Variants in CAMK2D observed in about 807,000 individuals in gnomAD.
CAMK2D encodes calcium/calmodulin dependent protein kinase II delta, also known as calcium/calmodulin-dependent protein kinase type II subunit delta.
A neutral mutation model predicts 84.0 loss-of-function variants in CAMK2D; 37 were observed. The observed-to-expected ratio is 0.44, with a 90% CI of 0.34 to 0.58. The LOEUF is 0.58. Among genes scored for constraint, CAMK2D ranks in the 20% least tolerant of loss-of-function variants. The probability of loss-of-function intolerance (pLI) is 0.02; values close to 1 mark genes in which losing one functional copy is unlikely to be tolerated. For synonymous variants in CAMK2D, 202 were observed against 212.5 expected, an observed-to-expected ratio of 0.95 and a Z score of 0.43; for missense variants, 448 against 652.5, an observed-to-expected ratio of 0.69 and a Z score of 3.41.
At chr4:113,462,318 G>GTCTA (rs1175189521) in intron 17 of CAMK2D, among the ~76,000 whole-genome samples, 22 of 112,504 alleles carry the variant, frequency 2.0e-4, no homozygotes, top group East Asian at 6.6e-4. Flanking sequence ...CTGTCTGTCT[G>GTCTA]TCTGTCTGTC....
intron 2 of CAMK2D, among the ~76,000 whole-genome samples, chr4:113,685,373 G>A (rs1239189203): frequency 6.6e-6 from 1 of 151,806 alleles, no homozygotes; most frequent in African/African-American, 2.4e-5. Context: ...CCAAGTAGCT[G>A]GAACTATAGG....
chr4:113,592,199 G>A (rs2098891870), intron 4 of CAMK2D, among the ~76,000 whole-genome samples: 1 of 152,122 alleles, frequency 6.6e-6, no homozygotes, highest in Admixed American at 6.6e-5. Flanking sequence ...AGTAAGCAGG[G>A]ATTAAGTGGG....
chr4:113,734,498 A>G (rs532287776), intron 2 of CAMK2D, among the ~76,000 whole-genome samples: 20 of 152,238 alleles, frequency 1.3e-4, no homozygotes, highest in African/African-American at 4.3e-4. Context: ...TATCCACTTC[A>G]AAAATAATTT....
chr4:113,565,650 CAAA>C (rs1299833681), intron 4 of CAMK2D, among the ~76,000 whole-genome samples: 11 of 80,586 alleles, frequency 1.4e-4, no homozygotes, highest in Non-Finnish European at 2.0e-4. Context: ...GACTCTGTCT[CAAA>C]AAAAAAAAAA....
intron 3 of CAMK2D, among the ~76,000 whole-genome samples, chr4:113,627,269 T>A (rs1436266121): frequency 6.6e-6 from 1 of 152,194 alleles, no homozygotes; most frequent in East Asian, 1.9e-4. Context: ...TCAATTTATA[T>A]CATTTTTCCA....
At chr4:113,627,913 T>C (rs2099074324) in intron 3 of CAMK2D, among the ~76,000 whole-genome samples, 1 of 152,168 alleles carries the variant, frequency 6.6e-6, no homozygotes, top group Admixed American at 6.5e-5. Context: ...GGATTACAAA[T>C]AAATTTTCCA....
intron 4 of CAMK2D, among the ~76,000 whole-genome samples, chr4:113,599,497 C>A (rs915687655): frequency 3.3e-5 from 5 of 151,844 alleles, no homozygotes; most frequent in Non-Finnish European, 1.5e-5. Context: ...TATTATTCAA[C>A]GACAAAAGGA....
At chr4:113,475,310 A>G (rs1254534806) in intron 16 of CAMK2D, among the ~76,000 whole-genome samples, 4 of 145,872 alleles carry the variant, frequency 2.7e-5, no homozygotes, top group African/African-American at 5.3e-5. Context: ...AATAAGCATC[A>G]TATCCCTTTG....
chr4:113,494,340 G>A (rs896895062), intron 16 of CAMK2D, among the ~76,000 whole-genome samples: 1 of 152,226 alleles, frequency 6.6e-6, no homozygotes, highest in African/African-American at 2.4e-5. Flanking sequence ...CTTTCTGTTT[G>A]TTAGTTTTCC....
chr4:113,588,432 A>C (rs2098843809), intron 4 of CAMK2D, among the ~76,000 whole-genome samples: 2 of 152,200 alleles, frequency 1.3e-5, no homozygotes, highest in Admixed American at 1.3e-4. Flanking sequence ...TTTAGACCAT[A>C]CAGGCATAAC....
intron 3 of CAMK2D, among the ~76,000 whole-genome samples, chr4:113,613,902 G>C (rs1391544931): frequency 6.6e-6 from 1 of 152,054 alleles, no homozygotes. Context: ...GCGAGCGAGA[G>C]AGAGAGAGAG....
At chr4:113,561,306 T>C (rs780263638) in intron 4 of CAMK2D, among the ~76,000 whole-genome samples, 1 of 152,082 alleles carries the variant, frequency 6.6e-6, no homozygotes, top group Non-Finnish European at 1.5e-5. Flanking sequence ...AGACCCCGTA[T>C]CTATAAAAAA....
intron 13 of CAMK2D, among the ~76,000 whole-genome samples, chr4:113,505,542 C>T (rs1024657595): frequency 1.1e-4 from 17 of 152,202 alleles, no homozygotes; most frequent in South Asian, 4.2e-4. Context: ...TCTGAGAAAA[C>T]GCTGGTGTCA....
At chr4:113,744,357 T>C (rs2099599710) in intron 2 of CAMK2D, among the ~76,000 whole-genome samples, 1 of 152,150 alleles carries the variant, frequency 6.6e-6, no homozygotes, top group Non-Finnish European at 1.5e-5. Flanking sequence ...ATATGGGAAA[T>C]CAAGGCCTTT....
intron 17 of CAMK2D, among the ~76,000 whole-genome samples, chr4:113,461,960 A>G (rs1188992194): frequency 6.6e-6 from 1 of 152,210 alleles, no homozygotes; most frequent in Non-Finnish European, 1.5e-5. Context: ...TGCCTTAAAG[A>G]TGATGGGGGC....
intron 3 of CAMK2D, among the ~76,000 whole-genome samples, chr4:113,625,622 T>C (rs975233588): frequency 6.6e-6 from 1 of 151,556 alleles, no homozygotes; most frequent in African/African-American, 2.4e-5. Flanking sequence ...TGTAGAAGAG[T>C]GAACAGGGGA....
chr4:113,567,388 G>A (rs982372644), intron 4 of CAMK2D, among the ~76,000 whole-genome samples: 1 of 151,792 alleles, frequency 6.6e-6, no homozygotes, highest in East Asian at 1.9e-4. Context: ...GGCTGCTCTC[G>A]ATCTCCTGAC....
intron 9 of CAMK2D, 99 bp downstream of exon 9, chr4:113,517,444 GAAATAATATGAGAAAGTGGT>G (rs1590577190): frequency 2.0e-6 from 1 of 494,944 alleles, no homozygotes; most frequent in East Asian, 2.8e-5. Context: ...AAGAGAGAGG[GAAATAATATGAGAAAGTGGT>G]AAAAATTATG....
At chr4:113,720,078 T>C (rs11729260) in intron 2 of CAMK2D, among the ~76,000 whole-genome samples, 26,544 of 152,066 alleles carry the variant, frequency 0.17, 4,252 homozygotes, top group African/African-American at 0.42. Flanking sequence ...AAGGCAAAGC[T>C]ACATTACTCA....
Sources: allele counts gnomAD v4.1 joint callset (sites outside exome capture counted in the v4.1 genomes callset), GRCh38; gene constraint gnomAD v4.1.1; transcripts MANE v1.5; gene names NCBI Gene and HGNC (gene_info 2026-07-23, HGNC 2026-07-21).